INSL6: variants seen among roughly 807,000 people sequenced by gnomAD.
INSL6 encodes the protein insulin-like peptide INSL6.
A neutral mutation model predicts 9.4 loss-of-function variants in INSL6; 16 were observed. The ratio of observed to expected loss-of-function variants is 1.70; its 90% CI spans 1.15 to 2.59. INSL6 has a LOEUF of 2.59. Among genes scored for constraint, INSL6 ranks in the 30% most tolerant of loss-of-function variants. The pLI, the probability that INSL6 is intolerant of heterozygous loss-of-function variation, is 0.00. For missense variants in INSL6, 391 were observed against 257.3 expected (o/e 1.52, Z -3.56); for synonymous variants, 154 against 96.9 (o/e 1.59, Z -3.46).
chr9:5,060,585 A>G, the INSL6 span, among the ~76,000 whole-genome samples: 15 of 152,210 alleles, frequency 9.9e-5, no homozygotes, highest in Non-Finnish European at 2.2e-4. Context: ...GATTGTAGCA[A>G]TTCAGTCACA....
chr9:5,120,337 G>A (rs1823520270), downstream of INSL6, among the ~76,000 whole-genome samples: 1 of 152,206 alleles, frequency 6.6e-6, no homozygotes, highest in Non-Finnish European at 1.5e-5. Flanking sequence ...AACAACACCT[G>A]AATTTTGGAG....
chr9:5,143,735 C>G (rs1157289060), intron 2 of INSL6, among the ~76,000 whole-genome samples: 1 of 150,738 alleles, frequency 6.6e-6, no homozygotes, highest in African/African-American at 2.5e-5. Context: ...TCTCAGCTCA[C>G]TACAACCTCC....
At chr9:5,183,079 T>C (rs1367189890) in intron 1 of INSL6, among the ~76,000 whole-genome samples, 1 of 152,146 alleles carries the variant, frequency 6.6e-6, no homozygotes, top group Non-Finnish European at 1.5e-5. Context: ...TAAAAAGTAA[T>C]CAACTTTCCA....
At chr9:5,180,096 G>C (rs1055922386) in intron 1 of INSL6, among the ~76,000 whole-genome samples, 9 of 152,244 alleles carry the variant, frequency 5.9e-5, no homozygotes, top group African/African-American at 1.9e-4. Context: ...ACCGGCTGGA[G>C]CCATGGCAGA....
intron 1 of INSL6, among the ~76,000 whole-genome samples, chr9:5,179,422 T>C (rs1258532882): frequency 2.6e-5 from 4 of 152,202 alleles, no homozygotes; most frequent in African/African-American, 9.7e-5. Flanking sequence ...TCAACCATTG[T>C]GGAAGACAGT....
At chr9:5,147,529 A>T (rs1008845819) in intron 2 of INSL6, among the ~76,000 whole-genome samples, 2 of 152,184 alleles carry the variant, frequency 1.3e-5, no homozygotes, top group African/African-American at 4.8e-5. Context: ...GGCCTGGAAG[A>T]CTGCCTGGTA....
the INSL6 span, among the ~76,000 whole-genome samples, chr9:5,078,843 T>C: frequency 6.6e-6 from 1 of 152,224 alleles, no homozygotes; most frequent in Non-Finnish European, 1.5e-5. Context: ...GAAATTAGTT[T>C]AATTATCCAG....
At chr9:5,036,778 A>T in the INSL6 span, among the ~76,000 whole-genome samples, 4 of 152,228 alleles carry the variant, frequency 2.6e-5, no homozygotes, top group South Asian at 4.1e-4. Context: ...AACCTAGGCA[A>T]TACCATTCAG....
At chr9:5,042,628 A>G in the INSL6 span, among the ~76,000 whole-genome samples, 1 of 140,560 alleles carries the variant, frequency 7.1e-6, no homozygotes, top group Non-Finnish European at 1.5e-5. Flanking sequence ...CGTTAGCGTC[A>G]TAAAGTCCAG....
chr9:5,113,924 CG>C, the INSL6 span: 2 of 241,226 alleles, frequency 8.3e-6, no homozygotes, highest in South Asian at 5.0e-5. Context: ...CACTTACCCC[CG>C]ACCATCCAGT....
the INSL6 span, among the ~76,000 whole-genome samples, chr9:5,053,901 T>C: frequency 2.0e-5 from 3 of 151,974 alleles, no homozygotes; most frequent in East Asian, 3.8e-4. Flanking sequence ...TTAGCATATA[T>C]TACGGCATGG....
the INSL6 span, among the ~76,000 whole-genome samples, chr9:5,058,813 T>G: frequency 6.6e-6 from 1 of 152,216 alleles, no homozygotes; most frequent in Non-Finnish European, 1.5e-5. Flanking sequence ...TCTTTTCATA[T>G]ATGTATTGCC....
intron 2 of INSL6, among the ~76,000 whole-genome samples, chr9:5,137,368 C>G (rs989692649): frequency 7.9e-5 from 12 of 152,156 alleles, no homozygotes; most frequent in African/African-American, 2.9e-4. Context: ...TGACTTCAAA[C>G]TACATTACAA....
chr9:5,073,631 A>G, the INSL6 span: 1 of 1,144,288 alleles, frequency 8.7e-7, no homozygotes, highest in Non-Finnish European at 1.3e-6. Context: ...TATGGCAGAG[A>G]GAATTTTCTG....
At chr9:5,103,130 G>T in the INSL6 span, among the ~76,000 whole-genome samples, 1 of 144,112 alleles carries the variant, frequency 6.9e-6, no homozygotes, top group Non-Finnish European at 1.5e-5. Flanking sequence ...ACCCATCACT[G>T]TGCTGTATTC....
the INSL6 span, chr9:5,078,470 A>G: frequency 1.3e-6 from 2 of 1,584,364 alleles, no homozygotes; most frequent in Non-Finnish European, 1.7e-6. Context: ...ATTATATATA[A>G]TGTTACTAAG....
the INSL6 span, among the ~76,000 whole-genome samples, chr9:5,038,489 A>G: frequency 2.6e-5 from 4 of 152,290 alleles, no homozygotes; most frequent in Non-Finnish European, 4.4e-5. Context: ...CTACAGACCA[A>G]TGTTGTAGGT....
At chr9:5,179,980 C>T (rs192101931) in intron 1 of INSL6, among the ~76,000 whole-genome samples, 2 of 152,226 alleles carry the variant, frequency 1.3e-5, no homozygotes, top group Admixed American at 6.5e-5. Context: ...GCACATCCTG[C>T]ACATGTACTC....
the INSL6 span, among the ~76,000 whole-genome samples, chr9:5,002,301 A>G: frequency 9.2e-5 from 14 of 151,854 alleles, no homozygotes; most frequent in South Asian, 2.1e-4. Context: ...CTCTCTAACC[A>G]CTATTTTAGC....
Sources: gnomAD v4.1 joint callset for allele counts (sites outside exome capture counted in the v4.1 genomes callset) on GRCh38, gnomAD v4.1.1 for gene constraint, MANE v1.5 for transcripts, NCBI Gene and HGNC (gene_info 2026-07-23, HGNC 2026-07-21) for gene names.